Variants in DOCK7 observed in about 807,000 individuals in gnomAD.
DOCK7 encodes the protein dedicator of cytokinesis protein 7.
Under a neutral mutation model 271.0 loss-of-function variants are expected in DOCK7, and 138 were observed. The observed-to-expected ratio is 0.51, with a 90% CI of 0.44 to 0.59. The LOEUF is 0.59. Among genes scored for constraint, DOCK7 ranks in the 20% least tolerant of loss-of-function variants. The pLI, the probability that DOCK7 is intolerant of heterozygous loss-of-function variation, is 0.00. For synonymous variants in DOCK7, 823 were observed against 876.1 expected, an observed-to-expected ratio of 0.94 and a Z score of 1.07; for missense variants, 2,066 against 2,592.4, an observed-to-expected ratio of 0.80 and a Z score of 4.41.
chr1:62,620,312 C>T (rs1434380893), intron 12 of DOCK7, among the ~76,000 whole-genome samples: 1 of 148,838 alleles, frequency 6.7e-6, no homozygotes, highest in Non-Finnish European at 1.5e-5. Flanking sequence ...AAGACTCTGT[C>T]TCAAAAATAA....
chr1:62,545,125 T>G lies in DOCK7; in HGVS notation c.2767-86A>C, dbSNP rs979100388. On this transcript the variant is annotated intron_variant, in intron 22 of 49. Coordinates refer to ENST00000635253, the MANE Select transcript of DOCK7 (RefSeq NM_001367561.1). ...ATTATTCTTAAAGAAATTCAGATCT[T>G]CTAATGCAAACATGTTTTTAATTAG... 5 of 1,263,802 alleles carry G rather than the reference T, an allele frequency of 4.0e-6. No homozygotes were observed. In the African/African-American group the frequency reaches 7.6e-5, roughly 19 times the overall value. The allele number at this position is 1,263,802 out of a possible 1,614,324, so 78.3% of individuals were successfully genotyped here. A position where few individuals can be genotyped will look rare whatever the true frequency, so the allele number is the denominator to read the frequency against.
intron 14 of DOCK7, chr1:62,601,273 A>G: frequency 9.8e-7 from 1 of 1,017,430 alleles, no homozygotes; most frequent in Non-Finnish European, 1.5e-6. Context: ...TTCTAGACTA[A>G]AAGATAGTTA....
chr1:62,558,939 A>G (rs771339644), intron 20 of DOCK7, 50 bp downstream of exon 20: 3 of 1,439,590 alleles, frequency 2.1e-6, no homozygotes, highest in South Asian at 2.5e-5. Flanking sequence ...AAAATTTAGA[A>G]ATGTCAAGTT....
intron 40 of DOCK7, 147 bp from the exon 41 acceptor site, chr1:62,492,994 A>G: frequency 1.6e-6 from 1 of 612,344 alleles, no homozygotes; most frequent in Non-Finnish European, 2.7e-6. Context: ...AAATCTCTAA[A>G]AACTTTCTGT....
chr1:62,473,663 C>A (rs149138083), intron 48 of DOCK7, among the ~76,000 whole-genome samples: 1 of 152,080 alleles, frequency 6.6e-6, no homozygotes, highest in African/African-American at 2.4e-5. Flanking sequence ...TAGTTTACTA[C>A]AGCCTCCAAC....
intron 1 of DOCK7, among the ~76,000 whole-genome samples, chr1:62,669,370 G>T (rs1165108493): frequency 6.6e-6 from 1 of 152,202 alleles, no homozygotes; most frequent in Non-Finnish European, 1.5e-5. Flanking sequence ...AAGTATGGTG[G>T]GGGGAAAAGA....
Position 62,492,752 on chromosome 1 carries a change from C to G in DOCK7, c.5313G>C (p.Glu1771Asp). The G allele has an allele frequency of 6.2e-7, 1 of 1,614,122 alleles. No homozygotes were observed. The highest frequency in any genetic ancestry group is 1.1e-5 in the South Asian group (1 of 91,082). ...GTTCCAGTAATCCCACAAGTCCTGA[C>G]TCAGTAAAGTATTTTCCAGAGCAGA... Reference protein sequence around the residue: ...EGICSGKYFTESGLVGLLEQA... With the variant: ...EGICSGKYFTDSGLVGLLEQA... The change falls in exon 41 of 50, where the codon GAG (glutamate) becomes GAC (aspartate). Residue 1771 changes from glutamate to aspartate, a missense_variant. Physicochemically the swap from Glu to Asp is conservative, Grantham distance 45. Transcript: ENST00000635253.
At chr1:62,683,278 G>C (rs924965371) in intron 1 of DOCK7, among the ~76,000 whole-genome samples, 1 of 152,172 alleles carries the variant, frequency 6.6e-6, no homozygotes, top group Non-Finnish European at 1.5e-5. Flanking sequence ...TATGTGTTCC[G>C]CAAGATAAAA....
intron 20 of DOCK7, among the ~76,000 whole-genome samples, chr1:62,556,782 C>T (rs1245917940): frequency 2.0e-5 from 3 of 151,750 alleles, no homozygotes; most frequent in Admixed American, 6.6e-5. Flanking sequence ...TTAAGTTTTC[C>T]CAAAAGTAGA....
Position 62,631,444 on chromosome 1 carries a change from G to C in DOCK7, c.1117-39C>G, listed in dbSNP as rs375179858. 908 of 1,498,168 alleles carry C rather than the reference G, an allele frequency of 6.1e-4. 4 individuals carry two copies. The highest frequency in any genetic ancestry group is 4.8e-3 in the Middle Eastern group (27 of 5,632). 92.8% of individuals were successfully genotyped at this position (1,498,168 alleles called of 1,614,324 possible). A position where few individuals can be genotyped will look rare whatever the true frequency, so the allele number is the denominator to read the frequency against. Reference sequence around the variant, plus strand: ...CTTTATACATTATATGATTATACTTGAAAGAAATCAGTTAAAGGCTATTTC... The same window carrying C: ...CTTTATACATTATATGATTATACTTCAAAGAAATCAGTTAAAGGCTATTTC... On this transcript the variant is annotated intron_variant, in intron 10 of 49. Coordinates refer to ENST00000635253, the MANE Select transcript of DOCK7 (RefSeq NM_001367561.1).
chr1:62,688,251 C>A lies in DOCK7; in HGVS notation c.14G>T (p.Arg5Leu). The A allele has an allele frequency of 4.4e-6, 6 of 1,364,046 alleles. No individual in the cohort carries two copies. The highest frequency in any genetic ancestry group is 5.7e-6 in the Non-Finnish European group (6 of 1,044,494). 84.5% of individuals were successfully genotyped at this position (1,364,046 alleles called of 1,614,324 possible). The change falls in exon 1 of 50, where the codon CGC (arginine) becomes CTC (leucine). Residue 5 changes from arginine (R) to leucine (L), a missense_variant. Physicochemically the swap from Arg to Leu is moderately radical, Grantham distance 102. Coordinates refer to ENST00000635253, the MANE Select transcript of DOCK7 (RefSeq NM_001367561.1). ...CCTGCTGATCTTCTGGGCGAAGGCG[C>A]GGCGCTCGGCCATGGCTGCTGCGGC... MAER[R>L]AFAQKISRTV...
rs544049044 is a variant in DOCK7 at position 62,491,663 on chromosome 1, A to C, written c.5361+1041T>G. 3.3e-5 allele frequency among the ~76,000 whole-genome samples: 5 copies of C among 152,372 alleles called. No homozygotes were observed. The South Asian group carries it at 6.2e-4, about 19-fold the overall frequency. ...TATGCAACCAATGGAATGAGTGGTC[A>C]TAACTTTCTTGGACACCAGGGCAAT... On this transcript the variant is annotated intron_variant, in intron 41 of 49. Coordinates refer to ENST00000635253, the MANE Select transcript of DOCK7 (RefSeq NM_001367561.1).
chr1:62,683,929 G>GA (rs898568988), intron 1 of DOCK7, among the ~76,000 whole-genome samples: 18 of 145,376 alleles, frequency 1.2e-4, no homozygotes, highest in African/African-American at 2.0e-4. Context: ...CCTATCTCAA[G>GA]AAAAAAAAAA....
In DOCK7 at chr1:62,633,096, C is replaced by T. The variant is rs560692253; in HGVS notation, c.1116+402G>A. On this transcript the variant is annotated intron_variant, in intron 10 of 49. Transcript: ENST00000635253. The stretch of plus-strand genomic sequence containing the variant: ...TAATAATCTGCAGTCAGATGGAAGA[C>T]AAGAATACTTCTATTTTGCTAGGAA... Among the ~76,000 whole-genome samples, 15 of 152,052 alleles carry T rather than the reference C, an allele frequency of 9.9e-5. No homozygotes were observed. In the South Asian group the frequency reaches 1.2e-3, roughly 13 times the overall value.
rs79080546 is a variant in DOCK7, at chr1:62,543,818, T to C, written c.2860-73A>G. 1.6e-5 allele frequency: 17 copies of C among 1,051,158 alleles called. No homozygotes were observed. In the East Asian group the frequency reaches 3.7e-4, roughly 23 times the overall value. 65.1% of individuals were successfully genotyped at this position (1,051,158 alleles called of 1,614,324 possible). A position where few individuals can be genotyped will look rare whatever the true frequency, so the allele number is the denominator to read the frequency against. On this transcript the variant is annotated intron_variant, in intron 23 of 49. Coordinates refer to ENST00000635253, the MANE Select transcript of DOCK7 (RefSeq NM_001367561.1). ...GTGGATGACTTTGCAGCTGATGGAT[T>C]ATGTACAAGTTTAAAACAGAGTTTT... is the stretch of plus-strand genomic sequence containing the variant.
chr1:62,502,076 A>G (rs1168032), intron 37 of DOCK7, among the ~76,000 whole-genome samples: 87,891 of 151,858 alleles, frequency 0.58, 27,028 homozygotes, highest in East Asian at 0.76. Flanking sequence ...AACTTTCACT[A>G]TTTGCTTGAT....
intron 39 of DOCK7, 122 bp from the exon 40 acceptor site, chr1:62,494,589 T>A: frequency 1.4e-6 from 1 of 696,432 alleles, no homozygotes; most frequent in Non-Finnish European, 2.1e-6. Context: ...TACTTAGTTT[T>A]AAAGTAGTAT....
intron 11 of DOCK7, among the ~76,000 whole-genome samples, chr1:62,626,615 C>A (rs956955581): frequency 1.3e-5 from 2 of 151,796 alleles, no homozygotes; most frequent in South Asian, 4.1e-4. Flanking sequence ...TGTAGGCCAA[C>A]ACTTAGATTA....
At chr1:62,466,658 A>G (rs142189086) in intron 48 of DOCK7, among the ~76,000 whole-genome samples, 1 of 152,304 alleles carries the variant, frequency 6.6e-6, no homozygotes, top group East Asian at 1.9e-4. Context: ...TCGGCCAGGT[A>G]CTGTGGCTCA....
Sources: allele counts gnomAD v4.1 joint callset (sites outside exome capture counted in the v4.1 genomes callset), GRCh38; gene constraint gnomAD v4.1.1; transcripts MANE v1.5; gene names NCBI Gene and HGNC (gene_info 2026-07-23, HGNC 2026-07-21).